The following UTRN variants were observed in gnomAD, a reference collection of about 807,000 sequenced individuals.
The protein encoded by UTRN is utrophin, also known as dystrophin-related protein 1.
In UTRN, 283 loss-of-function variants were observed where a neutral mutation model predicts 463.9. The observed-to-expected ratio is 0.61, with a 90% CI of 0.55 to 0.67. The LOEUF (loss-of-function observed/expected upper bound fraction) is 0.67, where lower values mean the gene tolerates loss of function less well. Among genes scored for constraint, UTRN ranks in the 30% least tolerant of loss-of-function variants. The probability of loss-of-function intolerance (pLI) is 0.00; values close to 1 mark genes in which losing one functional copy is unlikely to be tolerated. For missense variants in UTRN, 3,922 were observed against 4,084.3 expected (o/e 0.96, Z 1.08); for synonymous variants, 1,442 against 1,431.5 (o/e 1.01, Z -0.17).
chr6:144,444,790 T>A (rs1222552170), intron 14 of UTRN, among the ~76,000 whole-genome samples: 1 of 152,184 alleles, frequency 6.6e-6, no homozygotes, highest in African/African-American at 2.4e-5. Flanking sequence ...TCCCTAGATT[T>A]TTTCTTGATT....
chr6:144,479,044 T>C (rs1791555904), intron 25 of UTRN, among the ~76,000 whole-genome samples: 1 of 152,116 alleles, frequency 6.6e-6, no homozygotes, highest in African/African-American at 2.4e-5. Flanking sequence ...CTCCCTGCTT[T>C]TTAAAAGTGA....
At chr6:144,540,884 C>A (rs1167513957) in intron 45 of UTRN, among the ~76,000 whole-genome samples, 2 of 152,190 alleles carry the variant, frequency 1.3e-5, no homozygotes, top group African/African-American at 4.8e-5. Context: ...AGAAGTTTGA[C>A]AGTTGTAGAT....
chr6:144,317,337 G>C (rs540119589), intron 2 of UTRN, among the ~76,000 whole-genome samples: 4 of 152,116 alleles, frequency 2.6e-5, no homozygotes, highest in Non-Finnish European at 5.9e-5. Flanking sequence ...GAGATTGCAG[G>C]AAGTTCGCCA....
At chr6:144,505,350 G>A (rs886972805) in intron 34 of UTRN, among the ~76,000 whole-genome samples, 1 of 152,142 alleles carries the variant, frequency 6.6e-6, no homozygotes, top group African/African-American at 2.4e-5. Context: ...TAATTAGGGT[G>A]TTGATTTTAG....
At chr6:144,757,287 A>G (rs1184955954) in intron 57 of UTRN, among the ~76,000 whole-genome samples, 1 of 151,276 alleles carries the variant, frequency 6.6e-6, no homozygotes, top group South Asian at 2.1e-4. Flanking sequence ...ATAAAATCTC[A>G]GTCATAGTAA....
At chr6:144,294,378 A>G (rs1490374782) in intron 2 of UTRN, among the ~76,000 whole-genome samples, 1 of 152,214 alleles carries the variant, frequency 6.6e-6, no homozygotes, top group Admixed American at 6.5e-5. Context: ...AATGCTTACT[A>G]TACAGAGGTA....
At chr6:144,445,351 C>A (rs1337212418) in intron 14 of UTRN, among the ~76,000 whole-genome samples, 357 of 106,438 alleles carry the variant, frequency 3.4e-3, no homozygotes, top group East Asian at 4.2e-3. Flanking sequence ...GACTCCCTCT[C>A]AAAAAAAAAA....
chr6:144,579,975 G>C (rs1426473597), intron 51 of UTRN, among the ~76,000 whole-genome samples: 1 of 152,000 alleles, frequency 6.6e-6, no homozygotes. Context: ...AAAGTTCCAT[G>C]GTTTTATTTT....
At chr6:144,487,926 C>G (rs1196732299) in intron 29 of UTRN, among the ~76,000 whole-genome samples, 1 of 152,154 alleles carries the variant, frequency 6.6e-6, no homozygotes, top group Non-Finnish European at 1.5e-5. Context: ...GAGATTACTT[C>G]TACTTACAAA....
In UTRN at chr6:144,637,349, A is replaced by G. The variant is rs558486330; in HGVS notation, c.7480-41057A>G. On this transcript the variant is annotated intron_variant, in intron 51 of 74. Transcript: ENST00000367545. ...TGGCCCTTACGTTACTCTGCCCTGT[A>G]CTATCTTCTTTATTATTTTACATTC... Among the ~76,000 whole-genome samples, 4 of 152,068 alleles carry G rather than the reference A, an allele frequency of 2.6e-5. No homozygotes were observed. The South Asian group carries it at 6.2e-4, about 24-fold the overall frequency.
At chr6:144,409,098 AAAC>A (rs1366219535) in intron 3 of UTRN, among the ~76,000 whole-genome samples, 3 of 152,238 alleles carry the variant, frequency 2.0e-5, no homozygotes, top group Non-Finnish European at 4.4e-5. Context: ...TCTAAAAAGA[AAAC>A]AATAAAATGT....
Position 144,551,136 on chromosome 6 carries a change from GACACAC to G in UTRN, c.6928+82_6928+87del, listed in dbSNP as rs5880596. On this transcript the variant is annotated intron_variant, in intron 48 of 74. Coordinates refer to ENST00000367545, the MANE Select transcript of UTRN (RefSeq NM_007124.3). Reference sequence around the variant, plus strand: ...ATCATCCACTTTCCCTGCAAATGGTGACACACACACACACACACACACACACACACA... The same window carrying G: ...ATCATCCACTTTCCCTGCAAATGGTGACACACACACACACACACACACACA... 985 of 634,508 alleles carry G rather than the reference GACACAC, an allele frequency of 1.6e-3. 1 individual carries two copies. Among genetic ancestry groups the G allele is most frequent in the African/African-American group, 6.8e-3 (342 of 49,932 alleles). The allele number at this position is 634,508 out of a possible 1,614,324, so 39.3% of individuals were successfully genotyped here.
rs554946142 is a variant in UTRN, at chr6:144,483,752, C to T, written c.3687+1364C>T. ...GCATTAGCCACTGCACCCGGACTGG[C>T]TGAGGGTTTAAATCTAACTTGTAGT... On this transcript the variant is annotated intron_variant, in intron 27 of 74. Coordinates refer to ENST00000367545, the MANE Select transcript of UTRN (RefSeq NM_007124.3). 7.9e-5 allele frequency among the ~76,000 whole-genome samples: 12 copies of T among 152,290 alleles called. No homozygotes were observed. In the South Asian group the frequency reaches 2.5e-3, roughly 32 times the overall value.
At chr6:144,510,885 G>T (rs983638621) in intron 34 of UTRN, 59 bp from the exon 35 acceptor site, 2 of 1,373,194 alleles carry the variant, frequency 1.5e-6, no homozygotes, top group Admixed American at 5.3e-5. Flanking sequence ...ATTTAAGGTT[G>T]TATATACTTT....
chr6:144,391,578 C>T (rs564669529), intron 2 of UTRN, among the ~76,000 whole-genome samples: 10 of 152,250 alleles, frequency 6.6e-5, no homozygotes, highest in South Asian at 4.1e-4. Context: ...AATCATTATT[C>T]GCAAGTAGGC....
chr6:144,454,795 T>C (rs558149147), intron 19 of UTRN, among the ~76,000 whole-genome samples: 87 of 152,344 alleles, frequency 5.7e-4, no homozygotes, highest in African/African-American at 1.8e-3. Context: ...CAATTATTAC[T>C]ATTTTTACAG....
intron 52 of UTRN, among the ~76,000 whole-genome samples, chr6:144,699,625 G>A (rs186806602): frequency 6.7e-6 from 1 of 150,160 alleles, no homozygotes; most frequent in East Asian, 1.9e-4. Context: ...GAGATAAAAT[G>A]AGAAAAAAAT....
intron 13 of UTRN, among the ~76,000 whole-genome samples, chr6:144,442,866 A>C: frequency 6.6e-6 from 1 of 152,216 alleles, no homozygotes; most frequent in East Asian, 1.9e-4. Context: ...TCTCAGAAGC[A>C]CTTGAGGAGC....
At chr6:144,641,103 C>T (rs946716004) in intron 51 of UTRN, among the ~76,000 whole-genome samples, 19 of 152,144 alleles carry the variant, frequency 1.2e-4, no homozygotes, top group Admixed American at 7.2e-4. Context: ...GTTTATTTTG[C>T]CAGGGTTAAG....
Sources: gnomAD v4.1 joint callset for allele counts (sites outside exome capture counted in the v4.1 genomes callset) on GRCh38, gnomAD v4.1.1 for gene constraint, MANE v1.5 for transcripts, NCBI Gene and HGNC (gene_info 2026-07-23, HGNC 2026-07-21) for gene names.